The following PKP4 variants were observed in gnomAD, a reference collection of about 807,000 sequenced individuals.
PKP4 encodes plakophilin-4.
A neutral mutation model predicts 145.1 loss-of-function variants in PKP4; 90 were observed. That is an observed-to-expected ratio of 0.62 (90% CI 0.52 to 0.74). The LOEUF (loss-of-function observed/expected upper bound fraction) is 0.74. Ranked by LOEUF, PKP4 falls within the 30% of genes least tolerant of loss-of-function variation. The pLI is 0.00. For missense variants in PKP4, 1,340 were observed against 1,482.7 expected (o/e 0.90, Z 1.58); for synonymous variants, 563 against 577.2 (o/e 0.98, Z 0.35).
chr2:158,564,600 C>T (rs2046821609), intron 2 of PKP4, among the ~76,000 whole-genome samples: 1 of 152,168 alleles, frequency 6.6e-6, no homozygotes, highest in South Asian at 2.1e-4. Flanking sequence ...AGATCCCACT[C>T]CCATGAACAG....
intron 2 of PKP4, among the ~76,000 whole-genome samples, chr2:158,555,924 T>C (rs1559318531): frequency 6.6e-6 from 1 of 152,220 alleles, no homozygotes; most frequent in Non-Finnish European, 1.5e-5. Context: ...TTCCATAGCT[T>C]GCTTATTTTG....
intron 1 of PKP4, among the ~76,000 whole-genome samples, chr2:158,473,827 A>G (rs1228756055): frequency 6.6e-6 from 1 of 152,214 alleles, no homozygotes; most frequent in Middle Eastern, 3.2e-3. Flanking sequence ...ATCCATTTAA[A>G]GCAATTCAGA....
intron 1 of PKP4, among the ~76,000 whole-genome samples, chr2:158,473,206 G>A (rs1416383491): frequency 6.6e-6 from 1 of 152,188 alleles, no homozygotes; most frequent in Non-Finnish European, 1.5e-5. Flanking sequence ...ATATACGGTT[G>A]GTGAGAGTGT....
chr2:158,572,390 G>A (rs187424452), intron 2 of PKP4, among the ~76,000 whole-genome samples: 76 of 152,308 alleles, frequency 5.0e-4, no homozygotes, highest in African/African-American at 1.7e-3. Context: ...TAAAAGCAAG[G>A]CTAAGCTAGA....
intron 3 of PKP4, among the ~76,000 whole-genome samples, chr2:158,580,589 G>A (rs908407077): frequency 1.3e-5 from 2 of 152,212 alleles, no homozygotes; most frequent in African/African-American, 2.4e-5. Context: ...TGTTATTGGT[G>A]GTGGTGATGG....
chr2:158,533,147 G>A (rs748617266), intron 1 of PKP4, 33 bp from the exon 2 acceptor site: 40 of 1,572,002 alleles, frequency 2.5e-5, no homozygotes, highest in Non-Finnish European at 3.4e-5. Context: ...GAGCCCAGAA[G>A]AAAGTGTTAA....
At chr2:158,672,625 CTG>C (rs777932448) in intron 17 of PKP4, among the ~76,000 whole-genome samples, 2 of 152,206 alleles carry the variant, frequency 1.3e-5, no homozygotes, top group African/African-American at 4.8e-5. Context: ...GAAATTTCAT[CTG>C]TGTTTATTTC....
intron 13 of PKP4, chr2:158,662,328 T>G (rs914873704): frequency 1.3e-5 from 2 of 152,188 alleles, no homozygotes; most frequent in African/African-American, 4.8e-5. Context: ...CTGAACTTGG[T>G]TTTAGACACT....
chr2:158,664,108 A>G (rs929356842), intron 15 of PKP4, among the ~76,000 whole-genome samples: 3 of 152,212 alleles, frequency 2.0e-5, no homozygotes, highest in African/African-American at 7.2e-5. Context: ...GGCTAATATC[A>G]TCACTGCTCC....
intron 20 of PKP4, 139 bp from the exon 21 acceptor site, chr2:158,678,442 C>A: frequency 3.0e-6 from 2 of 671,302 alleles, no homozygotes; most frequent in South Asian, 1.7e-5. Context: ...TGAGCTGCTA[C>A]CTCTCCCAGC....
At chr2:158,650,838 C>T (rs2055296201) in intron 11 of PKP4, among the ~76,000 whole-genome samples, 1 of 152,214 alleles carries the variant, frequency 6.6e-6, no homozygotes. Context: ...GCAGGCCTGT[C>T]CACCACCTGC....
chr2:158,495,350 T>TA (rs60436493), intron 1 of PKP4, among the ~76,000 whole-genome samples: 11 of 139,504 alleles, frequency 7.9e-5, no homozygotes, highest in African/African-American at 2.8e-4. Flanking sequence ...TCTGGAGAGT[T>TA]AAAAAAAAAA....
chr2:158,473,222 A>C (rs991500986), intron 1 of PKP4, among the ~76,000 whole-genome samples: 5 of 152,332 alleles, frequency 3.3e-5, no homozygotes, highest in Non-Finnish European at 5.9e-5. Flanking sequence ...AGTGTATGTT[A>C]GTTCAACCAT....
intron 1 of PKP4, among the ~76,000 whole-genome samples, chr2:158,474,287 A>G (rs1692094623): frequency 6.6e-6 from 1 of 152,206 alleles, no homozygotes; most frequent in South Asian, 2.1e-4. Context: ...TCTTTCTGTA[A>G]TCAGTAATGA....
Position 158,661,377 on chromosome 2 carries a change from C to T in PKP4, c.2138C>T (p.Ser713Phe). The T allele has an allele frequency of 6.2e-7, 1 of 1,613,906 alleles. No homozygotes were observed. Reference sequence around the variant, plus strand: ...GAAGAAGCTCGGAAGCAAATGCGGTCCTGCGAGGGGCTGGTAGACTCACTG... The same window carrying T: ...GAAGAAGCTCGGAAGCAAATGCGGTTCTGCGAGGGGCTGGTAGACTCACTG... ...AGEEARKQMR[S>F]CEGLVDSLLY... Residue 713 changes from serine (S) to phenylalanine (F), a missense_variant, in exon 13 of 22, where the codon TCC (serine) becomes TTC (phenylalanine). Physicochemically the swap from Ser to Phe is radical, Grantham distance 155. Transcript: ENST00000389759.
intron 2 of PKP4, among the ~76,000 whole-genome samples, chr2:158,561,547 A>G (rs961769486): frequency 6.6e-6 from 1 of 152,230 alleles, no homozygotes; most frequent in African/African-American, 2.4e-5. Flanking sequence ...ATCTTAAAAC[A>G]GGGATTTGTT....
intron 2 of PKP4, among the ~76,000 whole-genome samples, chr2:158,546,387 G>GTAAA (rs1428211267): frequency 6.6e-6 from 1 of 152,164 alleles, no homozygotes; most frequent in East Asian, 1.9e-4. Flanking sequence ...AAATGCCCAG[G>GTAAA]TAAAGATGGT....
intron 1 of PKP4, among the ~76,000 whole-genome samples, chr2:158,521,330 C>G (rs1241332845): frequency 6.6e-6 from 1 of 152,164 alleles, no homozygotes; most frequent in Non-Finnish European, 1.5e-5. Flanking sequence ...AGGTTGAGAA[C>G]TTCATTATTG....
chr2:158,614,419 T>C (rs536169292), intron 4 of PKP4, among the ~76,000 whole-genome samples: 4 of 152,270 alleles, frequency 2.6e-5, no homozygotes, highest in African/African-American at 7.2e-5. Context: ...ATAAATGATA[T>C]GAAGAAACCA....
Sources: allele counts gnomAD v4.1 joint callset (sites outside exome capture counted in the v4.1 genomes callset), GRCh38; gene constraint gnomAD v4.1.1; transcripts MANE v1.5; gene names NCBI Gene and HGNC (gene_info 2026-07-23, HGNC 2026-07-21).